UGCG: variants seen among roughly 807,000 people sequenced by gnomAD.
The protein encoded by UGCG is UDP-glucose ceramide glucosyltransferase, also known as ceramide glucosyltransferase.
In UGCG, 10 loss-of-function variants were observed where a neutral mutation model predicts 49.5. The observed-to-expected ratio is 0.20, with a 90% CI of 0.12 to 0.34. UGCG has a LOEUF of 0.34. Among genes scored for constraint, UGCG ranks in the 10% least tolerant of loss-of-function variants. The pLI is 1.00. For missense variants in UGCG, 312 were observed against 483.7 expected (o/e 0.65, Z 3.33); for synonymous variants, 182 against 158.2 (o/e 1.15, Z -1.13).
intron 1 of UGCG, among the ~76,000 whole-genome samples, chr9:111,913,183 T>C (rs1838047879): frequency 6.6e-6 from 1 of 152,244 alleles, no homozygotes; most frequent in Non-Finnish European, 1.5e-5. Flanking sequence ...TAAGGTACCA[T>C]TGATGTCAGA....
At chr9:111,916,796 A>G (rs1838119689) in intron 2 of UGCG, among the ~76,000 whole-genome samples, 1 of 151,908 alleles carries the variant, frequency 6.6e-6, no homozygotes, top group Admixed American at 6.6e-5. Context: ...CCCCAGGGTT[A>G]TATGTATCCA....
At chr9:111,930,530 C>T (rs192793566) in intron 6 of UGCG, among the ~76,000 whole-genome samples, 21 of 150,096 alleles carry the variant, frequency 1.4e-4, no homozygotes, top group African/African-American at 5.2e-4. Flanking sequence ...TGCAGTGGCG[C>T]AATCTCGGCT....
At chr9:111,908,136 G>A (rs1837922404) in intron 1 of UGCG, among the ~76,000 whole-genome samples, 1 of 152,124 alleles carries the variant, frequency 6.6e-6, no homozygotes, top group Admixed American at 6.5e-5. Flanking sequence ...GTACTAGTGC[G>A]AGGACAGAGT....
At chr9:111,905,163 C>T (rs1158770642) in intron 1 of UGCG, among the ~76,000 whole-genome samples, 2 of 152,156 alleles carry the variant, frequency 1.3e-5, no homozygotes, top group African/African-American at 4.8e-5. Flanking sequence ...ACTGTTATCA[C>T]ATTTCAACTC....
At chr9:111,930,607 A>G (rs1838408763) in intron 6 of UGCG, among the ~76,000 whole-genome samples, 1 of 151,562 alleles carries the variant, frequency 6.6e-6, no homozygotes, top group Non-Finnish European at 1.5e-5. Flanking sequence ...AGCTGGGATT[A>G]TAGGCACCCG....
chr9:111,926,570 C>A, intron 5 of UGCG, 74 bp downstream of exon 5: 1 of 1,179,778 alleles, frequency 8.5e-7, no homozygotes, highest in Non-Finnish European at 1.2e-6. Context: ...ACTATGGGAG[C>A]TGGAATTAGG....
intron 4 of UGCG, 119 bp downstream of exon 4, chr9:111,924,997 C>A: frequency 2.2e-6 from 1 of 450,310 alleles, no homozygotes; most frequent in Non-Finnish European, 3.5e-6. Context: ...TTTATTTCAT[C>A]ATCATTTCAT....
chr9:111,917,934 T>C (rs1027555977), intron 2 of UGCG, among the ~76,000 whole-genome samples: 1 of 152,254 alleles, frequency 6.6e-6, no homozygotes, highest in Non-Finnish European at 1.5e-5. Context: ...CTGGCTTTAC[T>C]TCAGTAAATT....
chr9:111,929,414 A>G (rs914378446), intron 5 of UGCG, 86 bp from the exon 6 acceptor site: 10 of 1,385,722 alleles, frequency 7.2e-6, no homozygotes, highest in Non-Finnish European at 9.7e-6. Flanking sequence ...TCATACTTAT[A>G]AAAAAACCAT....
rs955749089 is a variant in UGCG, at chr9:111,933,820, C to T, written c.*823C>T. On this transcript the variant is annotated 3_prime_UTR_variant, in exon 9 of 9. Coordinates refer to ENST00000374279, the MANE Select transcript of UGCG (RefSeq NM_003358.3). The stretch of plus-strand genomic sequence containing the variant: ...AAATCTTTTCCTTCCTTGCTCCTCC[C>T]CCAGCCCACCCCGTCTTCCCTTAAC... The T allele has an allele frequency of 1.3e-5, 2 of 152,136 alleles. No homozygotes were observed. Among genetic ancestry groups the T allele is most frequent in the African/African-American group, 4.8e-5 (2 of 41,402 alleles). The allele number at this position is 152,136 out of a possible 1,614,324, so 9.4% of individuals were successfully genotyped here.
chr9:111,906,403 C>T (rs1008327112), intron 1 of UGCG, among the ~76,000 whole-genome samples: 7 of 151,802 alleles, frequency 4.6e-5, no homozygotes, highest in Non-Finnish European at 1.0e-4. Flanking sequence ...TTGCTTCCTT[C>T]GCTTGTTTCT....
Position 111,933,014 on chromosome 9 carries a change from G to A in UGCG, c.*17G>A, listed in dbSNP as rs1761222262. ...GATGTATAACTACAGCTTTGTGACT[G>A]TATATAAAGGAAAAAAGAGAAGTAT... On this transcript the variant is annotated 3_prime_UTR_variant, in exon 9 of 9. Coordinates refer to ENST00000374279, the MANE Select transcript of UGCG (RefSeq NM_003358.3). The A allele has an allele frequency of 1.4e-6, 2 of 1,471,304 alleles. No homozygotes were observed. Among genetic ancestry groups the A allele is most frequent in the Non-Finnish European group, 1.8e-6 (2 of 1,106,796 alleles). The allele number at this position is 1,471,304 out of a possible 1,614,324, so 91.1% of individuals were successfully genotyped here. A position where few individuals can be genotyped will look rare whatever the true frequency, so the allele number is the denominator to read the frequency against.
intron 1 of UGCG, among the ~76,000 whole-genome samples, chr9:111,908,139 G>A (rs1473399994): frequency 6.6e-6 from 1 of 152,136 alleles, no homozygotes; most frequent in African/African-American, 2.4e-5. Flanking sequence ...CTAGTGCGAG[G>A]ACAGAGTCAG....
At chr9:111,909,162 C>T (rs925987593) in intron 1 of UGCG, among the ~76,000 whole-genome samples, 14 of 152,088 alleles carry the variant, frequency 9.2e-5, no homozygotes, top group East Asian at 7.7e-4. Context: ...TCAAGTGATC[C>T]GCCTGCCTCA....
At chr9:111,900,339 G>T (rs1159304389) in intron 1 of UGCG, among the ~76,000 whole-genome samples, 1 of 151,980 alleles carries the variant, frequency 6.6e-6, no homozygotes, top group Non-Finnish European at 1.5e-5. Flanking sequence ...GTGTACATAA[G>T]GTCCTAATGT....
At chr9:111,931,514 A>G (rs189577317) in intron 7 of UGCG, among the ~76,000 whole-genome samples, 157 bp downstream of exon 7, 17 of 152,298 alleles carry the variant, frequency 1.1e-4, no homozygotes, top group Admixed American at 1.0e-3. Flanking sequence ...GTTTAAGATA[A>G]ATTTAATGTC....
chr9:111,927,071 G>C (rs189051232), intron 5 of UGCG, among the ~76,000 whole-genome samples: 324 of 151,738 alleles, frequency 2.1e-3, no homozygotes, highest in African/African-American at 7.4e-3. Context: ...GGGTTTCACC[G>C]TGTTGGCCAG....
At chr9:111,926,557 G>T in intron 5 of UGCG, 61 bp downstream of exon 5, 1 of 1,275,360 alleles carries the variant, frequency 7.8e-7, no homozygotes. Flanking sequence ...CCAGAAGCTT[G>T]AGACTATGGG....
intron 7 of UGCG, 188 bp from the exon 8 acceptor site, chr9:111,931,982 T>C: frequency 1.6e-6 from 1 of 614,180 alleles, no homozygotes; most frequent in Non-Finnish European, 2.8e-6. Flanking sequence ...TGAGTGCCAC[T>C]GCACTCCAGC....
Sources: allele counts gnomAD v4.1 joint callset (sites outside exome capture counted in the v4.1 genomes callset), GRCh38; gene constraint gnomAD v4.1.1; transcripts MANE v1.5; gene names NCBI Gene and HGNC (gene_info 2026-07-23, HGNC 2026-07-21).